Variants in KCNMB2 observed in about 807,000 individuals in gnomAD.
KCNMB2 encodes potassium calcium-activated channel subfamily M regulatory beta subunit 2, also known as calcium-activated potassium channel subunit beta-2.
A neutral mutation model predicts 24.5 loss-of-function variants in KCNMB2; 9 were observed. The ratio of observed to expected loss-of-function variants is 0.37; its 90% CI spans 0.22 to 0.64. The LOEUF (loss-of-function observed/expected upper bound fraction) is 0.64, where lower values mean the gene tolerates loss of function less well. Among genes scored for constraint, KCNMB2 ranks in the 30% least tolerant of loss-of-function variants. The pLI is 0.63. For synonymous variants in KCNMB2, 109 were observed against 104.4 expected (o/e 1.04, Z -0.27); for missense variants, 226 against 284.3 (o/e 0.79, Z 1.47).
intron 1 of KCNMB2, among the ~76,000 whole-genome samples, chr3:178,581,690 C>A (rs967207969): frequency 3.3e-5 from 5 of 151,882 alleles, no homozygotes; most frequent in African/African-American, 4.8e-5. Flanking sequence ...ACAACGCCAT[C>A]AAAAAAGTGG....
intron 1 of KCNMB2, among the ~76,000 whole-genome samples, chr3:178,745,668 C>CA: frequency 6.6e-6 from 1 of 152,292 alleles, no homozygotes; most frequent in African/African-American, 2.4e-5. Flanking sequence ...CCTGTAAAAT[C>CA]AAAAGCAGGT....
At chr3:178,620,328 G>T (rs1718862648) in intron 1 of KCNMB2, among the ~76,000 whole-genome samples, 1 of 151,178 alleles carries the variant, frequency 6.6e-6, no homozygotes, top group African/African-American at 2.5e-5. Context: ...GATTTTAAAT[G>T]GAAAAAATTT....
intron 1 of KCNMB2, among the ~76,000 whole-genome samples, chr3:178,700,586 T>A (rs149323990): frequency 2.0e-5 from 3 of 152,346 alleles, no homozygotes; most frequent in African/African-American, 7.2e-5. Flanking sequence ...GATCCTCACA[T>A]GGCCATTTCC....
chr3:178,612,896 G>T (rs1482049490), intron 1 of KCNMB2, among the ~76,000 whole-genome samples: 3 of 151,346 alleles, frequency 2.0e-5, no homozygotes, highest in Non-Finnish European at 2.9e-5. Context: ...TATATTTTTT[G>T]TGTATCTATT....
At chr3:178,817,267 A>C (rs1289879141) in intron 2 of KCNMB2, among the ~76,000 whole-genome samples, 2 of 147,716 alleles carry the variant, frequency 1.4e-5, no homozygotes, top group African/African-American at 5.0e-5. Flanking sequence ...ACTCAAAAAC[A>C]CATTGCTCCT....
intron 1 of KCNMB2, among the ~76,000 whole-genome samples, chr3:178,686,268 A>T (rs1041214942): frequency 1.3e-5 from 2 of 152,250 alleles, no homozygotes; most frequent in Admixed American, 6.5e-5. Flanking sequence ...GGGAGACTTC[A>T]TAAAGAAATA....
chr3:178,644,209 T>A (rs1343334321), intron 1 of KCNMB2, among the ~76,000 whole-genome samples: 1 of 152,180 alleles, frequency 6.6e-6, no homozygotes, highest in East Asian at 1.9e-4. Context: ...GACTTCAAGA[T>A]ACAGGAGAAA....
chr3:178,810,026 T>C (rs1714123592), intron 2 of KCNMB2, among the ~76,000 whole-genome samples: 1 of 152,152 alleles, frequency 6.6e-6, no homozygotes, highest in Admixed American at 6.5e-5. Context: ...GCTTTTTTTT[T>C]GACCACATCT....
intron 2 of KCNMB2, among the ~76,000 whole-genome samples, chr3:178,808,955 A>G (rs955165975): frequency 5.9e-5 from 9 of 152,314 alleles, no homozygotes; most frequent in African/African-American, 2.2e-4. Flanking sequence ...CATTTAAAAA[A>G]CAAGTCCCAG....
rs757539257 is a variant in KCNMB2 at position 178,710,649 on chromosome 3, TG to T, written c.-67-96693del. On this transcript the variant is annotated intron_variant, in intron 1 of 4. Coordinates refer to ENST00000452583, the MANE Select transcript of KCNMB2 (RefSeq NM_181361.3). The stretch of plus-strand genomic sequence containing the variant: ...GTGTATGTGTGTGCGTGAGTGTGTG[TG>T]CGTGTCTCTGTGTATAGGAGGAGGC... Among the ~76,000 whole-genome samples, 6 of 152,270 alleles carry T rather than the reference TG, an allele frequency of 3.9e-5. No homozygotes were observed. The East Asian group carries it at 9.6e-4, about 24-fold the overall frequency.
At chr3:178,710,360 G>T (rs1722411729) in intron 1 of KCNMB2, among the ~76,000 whole-genome samples, 1 of 152,050 alleles carries the variant, frequency 6.6e-6, no homozygotes, top group Admixed American at 6.6e-5. Context: ...GTACTACCTT[G>T]AACTACCCAT....
intron 1 of KCNMB2, among the ~76,000 whole-genome samples, chr3:178,629,900 A>T (rs750465106): frequency 5.3e-5 from 8 of 152,314 alleles, no homozygotes; most frequent in Middle Eastern, 6.8e-3. Flanking sequence ...TGCAGTACAA[A>T]CTACAGTAAA....
intron 1 of KCNMB2, among the ~76,000 whole-genome samples, chr3:178,678,708 A>C (rs1721157218): frequency 1.3e-5 from 2 of 152,242 alleles, no homozygotes; most frequent in Admixed American, 6.5e-5. Flanking sequence ...AAAGATATGG[A>C]AACATTTTCT....
intron 1 of KCNMB2, among the ~76,000 whole-genome samples, chr3:178,603,251 C>A (rs773824209): frequency 6.6e-6 from 1 of 152,004 alleles, no homozygotes; most frequent in Non-Finnish European, 1.5e-5. Context: ...TAAGTTATTT[C>A]AAATGTATAT....
At chr3:178,547,003 C>T (rs1715795354) in intron 1 of KCNMB2, among the ~76,000 whole-genome samples, 1 of 152,180 alleles carries the variant, frequency 6.6e-6, no homozygotes, top group Non-Finnish European at 1.5e-5. Flanking sequence ...GTTCACGTGA[C>T]AGAAACTTAA....
chr3:178,737,388 T>C (rs547567359), intron 1 of KCNMB2, among the ~76,000 whole-genome samples: 1 of 152,374 alleles, frequency 6.6e-6, no homozygotes, highest in African/African-American at 2.4e-5. Flanking sequence ...GTTTGTTTGT[T>C]TGTTTTTTAC....
chr3:178,807,155 A>G (rs1483264474), intron 1 of KCNMB2, among the ~76,000 whole-genome samples, 188 bp from the exon 2 acceptor site: 1 of 152,230 alleles, frequency 6.6e-6, no homozygotes, highest in Non-Finnish European at 1.5e-5. Flanking sequence ...GAAGATTTAA[A>G]AAGATTGAAT....
At position 178,654,518 on chromosome 3, in the gene KCNMB2, A is replaced by G. The variant is rs928881782; in HGVS notation, c.-68+117807A>G. ...GAAGAAAATAATAAAATTAATGGCA[A>G]AAATGAATGAGATCGAAAACCACAA... On this transcript the variant is annotated intron_variant, in intron 1 of 4. Coordinates refer to ENST00000452583, the MANE Select transcript of KCNMB2 (RefSeq NM_181361.3). 8.5e-4 allele frequency among the ~76,000 whole-genome samples: 129 copies of G among 152,236 alleles called. 1 individual carries two copies. Among genetic ancestry groups the G allele is most frequent in the African/African-American group, 3.1e-3 (127 of 41,464 alleles).
chr3:178,698,443 T>G (rs948154060), intron 1 of KCNMB2, among the ~76,000 whole-genome samples: 2 of 152,242 alleles, frequency 1.3e-5, no homozygotes, highest in African/African-American at 4.8e-5. Flanking sequence ...ATTATTAAAT[T>G]CTTGTGTTTT....
Sources: allele counts gnomAD v4.1 joint callset (sites outside exome capture counted in the v4.1 genomes callset), GRCh38; gene constraint gnomAD v4.1.1; transcripts MANE v1.5; gene names NCBI Gene and HGNC (gene_info 2026-07-23, HGNC 2026-07-21).